NELL2: variants seen among roughly 807,000 people sequenced by gnomAD.
NELL2 encodes neural EGFL like 2, also known as protein kinase C-binding protein NELL2.
Under a neutral mutation model 109.6 loss-of-function variants are expected in NELL2, and 41 were observed. That is an observed-to-expected ratio of 0.37 (90% confidence interval 0.29 to 0.49). NELL2 has a LOEUF of 0.49. NELL2 is among the 20% of genes least tolerant of loss of function. The pLI, the probability that NELL2 is intolerant of heterozygous loss-of-function variation, is 0.98. For synonymous variants in NELL2, 355 were observed against 344.7 expected, an observed-to-expected ratio of 1.03 and a Z score of -0.33; for missense variants, 900 against 1,008.3, an observed-to-expected ratio of 0.89 and a Z score of 1.45.
intron 15 of NELL2, among the ~76,000 whole-genome samples, chr12:44,596,335 G>C (rs1043318758): frequency 6.6e-6 from 1 of 152,170 alleles, no homozygotes; most frequent in Non-Finnish European, 1.5e-5. Flanking sequence ...AGAACAGAAA[G>C]AGCGTGGAAA....
intron 15 of NELL2, among the ~76,000 whole-genome samples, chr12:44,557,592 A>G (rs1296074965): frequency 6.6e-6 from 1 of 152,228 alleles, no homozygotes; most frequent in Non-Finnish European, 1.5e-5. Context: ...GGAGAAAAAA[A>G]TCATGGAAGA....
upstream of NELL2, chr12:44,876,992 T>C (rs1945347409): frequency 1.3e-6 from 1 of 779,242 alleles, no homozygotes; most frequent in South Asian, 4.3e-5. Flanking sequence ...GGCCAGGAGG[T>C]GCTGGACAGC....
At chr12:44,595,848 A>G (rs928741313) in intron 15 of NELL2, among the ~76,000 whole-genome samples, 2 of 152,144 alleles carry the variant, frequency 1.3e-5, no homozygotes, top group Non-Finnish European at 2.9e-5. Flanking sequence ...TCGGCAATGG[A>G]AACTTTGTCT....
intron 9 of NELL2, among the ~76,000 whole-genome samples, chr12:44,722,544 G>A (rs1938836136): frequency 6.6e-6 from 1 of 152,122 alleles, no homozygotes; most frequent in Non-Finnish European, 1.5e-5. Context: ...AGCCTAATGT[G>A]GGAAATGATG....
chr12:44,753,723 G>A (rs1166771861), intron 9 of NELL2, among the ~76,000 whole-genome samples: 1 of 152,142 alleles, frequency 6.6e-6, no homozygotes, highest in Non-Finnish European at 1.5e-5. Flanking sequence ...GATTGCTACA[G>A]GGCTGGTACA....
chr12:44,639,607 A>G (rs1328334291), intron 13 of NELL2, among the ~76,000 whole-genome samples: 1 of 152,166 alleles, frequency 6.6e-6, no homozygotes, highest in African/African-American at 2.4e-5. Flanking sequence ...GTAACAGATA[A>G]ATCACAAGTC....
intron 3 of NELL2, among the ~76,000 whole-genome samples, chr12:44,815,187 C>G (rs1487855911): frequency 1.3e-5 from 2 of 152,238 alleles, no homozygotes; most frequent in East Asian, 3.9e-4. Context: ...CTTCTTCTTC[C>G]TCCTTTCCCC....
chr12:44,830,587 G>A (rs1199530040), intron 2 of NELL2, among the ~76,000 whole-genome samples: 1 of 152,098 alleles, frequency 6.6e-6, no homozygotes, highest in African/African-American at 2.4e-5. Flanking sequence ...CAGCCTTCAT[G>A]TCAGTCCCTG....
intron 2 of NELL2, among the ~76,000 whole-genome samples, chr12:44,844,435 A>C (rs951042077): frequency 6.6e-6 from 1 of 152,372 alleles, no homozygotes; most frequent in Non-Finnish European, 1.5e-5. Flanking sequence ...GAATCTAGAT[A>C]CAAAAAAACT....
At chr12:44,585,678 T>A (rs143916966) in intron 15 of NELL2, among the ~76,000 whole-genome samples, 90 of 152,158 alleles carry the variant, frequency 5.9e-4, no homozygotes, top group African/African-American at 2.0e-3. Flanking sequence ...TTTTATTATT[T>A]CATTTGCACA....
rs550166330 is a variant in NELL2 at position 44,913,833 on chromosome 12, A to G, written c.4T>C (p.Ser2Pro). Residue 2 changes from serine to proline, a missense_variant, in exon 1 of 21, where the codon TCT (serine) becomes CCT (proline). Physicochemically the swap from Ser to Pro is moderately conservative, Grantham distance 74. Coordinates refer to the NELL2 transcript ENST00000333837. ...ATTAAAATGAGAAGTCTTCTTATAG[A>G]CATTTTATAATAATAATGTCTAAAA... 5.0e-5 allele frequency: 40 copies of G among 794,736 alleles called. No individual in the cohort carries two copies. The African/African-American group carries it at 6.6e-4, about 13-fold the overall frequency. 49.2% of individuals were successfully genotyped at this position (794,736 alleles called of 1,614,324 possible).
intron 3 of NELL2, 28 bp downstream of exon 3, chr12:44,815,958 C>A: frequency 6.3e-7 from 1 of 1,594,900 alleles, no homozygotes; most frequent in Non-Finnish European, 8.5e-7. Flanking sequence ...ATAATGAAAA[C>A]ACAGGAAACT....
intron 13 of NELL2, among the ~76,000 whole-genome samples, chr12:44,640,678 T>A (rs1432526379): frequency 6.6e-6 from 1 of 152,170 alleles, no homozygotes; most frequent in Non-Finnish European, 1.5e-5. Flanking sequence ...TTTGTTTTTT[T>A]TTTTAAATAG....
chr12:44,733,172 A>C (rs1291908608), intron 9 of NELL2, among the ~76,000 whole-genome samples: 1 of 151,996 alleles, frequency 6.6e-6, no homozygotes, highest in Non-Finnish European at 1.5e-5. Flanking sequence ...TTGAAAATAA[A>C]ACTACCATAT....
At chr12:44,697,956 C>T (rs1949112876) in intron 12 of NELL2, among the ~76,000 whole-genome samples, 1 of 152,162 alleles carries the variant, frequency 6.6e-6, no homozygotes, top group African/African-American at 2.4e-5. Flanking sequence ...TTCCATGCTC[C>T]TCACCTAGCT....
At chr12:44,682,732 T>C (rs1948563066) in intron 12 of NELL2, among the ~76,000 whole-genome samples, 1 of 152,098 alleles carries the variant, frequency 6.6e-6, no homozygotes, top group South Asian at 2.1e-4. Flanking sequence ...TAGTTGCAGA[T>C]ATGCGGTGTT....
rs185388983 is a variant in NELL2, at chr12:44,701,261, T to C, written c.1318+2465A>G. Among the ~76,000 whole-genome samples, 363 of 152,256 alleles carry C rather than the reference T, an allele frequency of 2.4e-3. 2 individuals are homozygous for C. Among genetic ancestry groups the C allele is most frequent in the Non-Finnish European group, 4.6e-3 (314 of 68,000 alleles). The stretch of plus-strand genomic sequence containing the variant: ...AAAAGATATATTAGAAGTCCTTATA[T>C]ATAAAAAAATTCAAGATATCTTGAA... On this transcript the variant is annotated intron_variant, in intron 12 of 19. Transcript: ENST00000429094.
intron 1 of NELL2, among the ~76,000 whole-genome samples, chr12:44,920,370 C>T (rs747857306): frequency 6.6e-6 from 1 of 151,992 alleles, no homozygotes; most frequent in Non-Finnish European, 1.5e-5. Context: ...CTTTTTAAGC[C>T]TTTCAGTTCC....
chr12:44,607,432 A>G (rs745503636), intron 14 of NELL2, among the ~76,000 whole-genome samples, 168 bp from the exon 15 acceptor site: 10 of 152,116 alleles, frequency 6.6e-5, no homozygotes, highest in Non-Finnish European at 1.0e-4. Flanking sequence ...ACTTCAACAC[A>G]ACTTGTAAAA....
Sources: gnomAD v4.1 joint callset for allele counts (sites outside exome capture counted in the v4.1 genomes callset) on GRCh38, gnomAD v4.1.1 for gene constraint, MANE v1.5 for transcripts, NCBI Gene and HGNC (gene_info 2026-07-23, HGNC 2026-07-21) for gene names.